Variants in NFATC1 observed in about 807,000 individuals in gnomAD.
The protein encoded by NFATC1 is nuclear factor of activated T-cells, cytoplasmic 1.
A neutral mutation model predicts 76.0 loss-of-function variants in NFATC1; 22 were observed. The observed-to-expected ratio is 0.29, with a 90% CI of 0.21 to 0.41. The LOEUF is 0.41. Among genes scored for constraint, NFATC1 ranks in the 10% least tolerant of loss-of-function variants. The probability of loss-of-function intolerance (pLI) is 1.00; values close to 1 mark genes in which losing one functional copy is unlikely to be tolerated. For synonymous variants in NFATC1, 704 were observed against 613.1 expected (o/e 1.15, Z -2.19); for missense variants, 1,357 against 1,337.7 (o/e 1.01, Z -0.23).
intron 1 of NFATC1, among the ~76,000 whole-genome samples, chr18:79,404,546 G>A (rs1019510010): frequency 1.3e-5 from 2 of 152,220 alleles, no homozygotes; most frequent in Non-Finnish European, 2.9e-5. Context: ...AGCAGACTCC[G>A]TGGCTGTCTG....
At chr18:79,461,603 C>T (rs1047680658) in intron 7 of NFATC1, among the ~76,000 whole-genome samples, 8 of 152,230 alleles carry the variant, frequency 5.3e-5, no homozygotes, top group Non-Finnish European at 7.3e-5. Flanking sequence ...AGAGCCCTGG[C>T]GGCCGGGGAC....
At position 79,524,958 on chromosome 18, in the gene NFATC1, CCT is replaced by C. The variant is rs1418241235; in HGVS notation, c.2783-2569_2783-2568del. The stretch of plus-strand genomic sequence containing the variant: ...TGGAGACCTCAGACGCCGTCCCCAC[CCT>C]GTCACTGTCACCATCACCCATCCTG... On this transcript the variant is annotated intron_variant, in intron 9 of 9. Coordinates refer to ENST00000427363, the MANE Select transcript of NFATC1 (RefSeq NM_001278669.2). This position sits in a 1 kb window ranked among gnomAD's most constrained non-coding sequence, Gnocchi z 7.2. Among the ~76,000 whole-genome samples, 1 of 151,976 alleles carries C rather than the reference CCT, an allele frequency of 6.6e-6. No homozygotes were observed. Among genetic ancestry groups the C allele is most frequent in the Non-Finnish European group, 1.5e-5 (1 of 67,962 alleles).
intron 1 of NFATC1, chr18:79,402,456 C>A: frequency 1.1e-6 from 1 of 940,492 alleles, no homozygotes; most frequent in Non-Finnish European, 1.3e-6. Flanking sequence ...ATGAGTGAAG[C>A]CGTGAACCTC....
intron 2 of NFATC1, among the ~76,000 whole-genome samples, chr18:79,423,948 C>T (rs1054439683): frequency 6.6e-6 from 1 of 152,210 alleles, no homozygotes; most frequent in Non-Finnish European, 1.5e-5. Context: ...GGTGACCCTC[C>T]AGGGTGGGAC....
At chr18:79,425,018 T>C (rs542167076) in intron 2 of NFATC1, among the ~76,000 whole-genome samples, 1 of 149,704 alleles carries the variant, frequency 6.7e-6, no homozygotes, top group African/African-American at 2.5e-5. Context: ...TCTCTCTCTC[T>C]GTCTCCATCT....
At chr18:79,475,204 A>T (rs1490678610) in intron 8 of NFATC1, among the ~76,000 whole-genome samples, 1 of 145,758 alleles carries the variant, frequency 6.9e-6, no homozygotes, top group Admixed American at 6.8e-5. Context: ...TCTCACGCTC[A>T]CCGTCGACGT....
intron 4 of NFATC1, among the ~76,000 whole-genome samples, chr18:79,449,841 A>G (rs2087384955): frequency 6.6e-6 from 1 of 152,160 alleles, no homozygotes; most frequent in Non-Finnish European, 1.5e-5. Flanking sequence ...GAGAGCGTGT[A>G]GGAGATGGCG....
chr18:79,471,972 T>G (rs1600843480), intron 8 of NFATC1, among the ~76,000 whole-genome samples: 1 of 152,248 alleles, frequency 6.6e-6, no homozygotes, highest in Non-Finnish European at 1.5e-5. Flanking sequence ...AGAATCTGTT[T>G]CTGCCTCAAG....
intron 9 of NFATC1, among the ~76,000 whole-genome samples, chr18:79,520,213 C>T (rs1380053696): frequency 2.2e-5 from 3 of 138,736 alleles, no homozygotes; most frequent in East Asian, 2.0e-4. Flanking sequence ...TCCCCCGCTG[C>T]GCTGCCGGGA....
chr18:79,458,530 C>G (rs2144840707), intron 6 of NFATC1, among the ~76,000 whole-genome samples: 1 of 152,338 alleles, frequency 6.6e-6, no homozygotes, highest in Non-Finnish European at 1.5e-5. Context: ...CGCAGGCCTG[C>G]CTGTGTGGAA....
intron 9 of NFATC1, among the ~76,000 whole-genome samples, chr18:79,500,737 T>G (rs571785807): frequency 6.6e-6 from 1 of 152,054 alleles, no homozygotes; most frequent in African/African-American, 2.4e-5. Flanking sequence ...GCCAACAGAT[T>G]AAACAACCTG....
chr18:79,513,349 G>A lies in NFATC1; in HGVS notation c.2783-14179G>A, dbSNP rs185389455. Reference sequence around the variant, plus strand: ...GCGTGAGGCTCCCGGGTCAGCACACGGCTTTCTCAAGGACCAGGCTTGAGG... The same window carrying A: ...GCGTGAGGCTCCCGGGTCAGCACACAGCTTTCTCAAGGACCAGGCTTGAGG... On this transcript the variant is annotated intron_variant, in intron 9 of 9. Coordinates refer to ENST00000427363, the MANE Select transcript of NFATC1 (RefSeq NM_001278669.2). Among the ~76,000 whole-genome samples, 643 of 152,272 alleles carry A rather than the reference G, an allele frequency of 4.2e-3. 3 individuals are homozygous for A. The highest frequency in any genetic ancestry group is 7.3e-3 in the Non-Finnish European group (495 of 68,018).
intron 8 of NFATC1, 27 bp from the exon 9 acceptor site, chr18:79,486,221 A>G: frequency 3.8e-6 from 6 of 1,582,676 alleles, no homozygotes; most frequent in South Asian, 2.3e-5. Context: ...ACTTGTGTTT[A>G]TTTAATTTTT....
chr18:79,411,134 C>A lies in NFATC1; in HGVS notation c.859C>A (p.Pro287Thr). 6.2e-7 allele frequency: 1 copy of A among 1,612,354 alleles called. No individual in the cohort carries two copies. ...ACCCCACCACTCGCCCACGCCGTCC[C>A]CGCACGGCTCCCCGCGGGTCAGCGT... ...YSPHHSPTPS[P>T]HGSPRVSVTD... Residue 287 changes from proline (P) to threonine (T), a missense_variant, in exon 2 of 10, where the codon CCG (proline) becomes ACG (threonine). Physicochemically the swap from Pro to Thr is conservative, Grantham distance 38 (BLOSUM62 -1). This residue lies in a region of NFATC1 where 691 missense variants were observed against 613.1 expected (regional missense o/e 1.13). Transcript: ENST00000427363.
intron 9 of NFATC1, among the ~76,000 whole-genome samples, chr18:79,493,084 T>C (rs1200695618): frequency 6.6e-6 from 1 of 152,120 alleles, no homozygotes; most frequent in East Asian, 1.9e-4. Context: ...AGAGGTTCAG[T>C]TTTTAAACAG....
At chr18:79,454,830 G>A (rs994870593) in intron 6 of NFATC1, among the ~76,000 whole-genome samples, 4 of 152,102 alleles carry the variant, frequency 2.6e-5, no homozygotes, top group African/African-American at 7.2e-5. Context: ...AGGCTGCAGG[G>A]GTTCAGCTGC....
intron 4 of NFATC1, among the ~76,000 whole-genome samples, chr18:79,450,717 C>CG (rs1158468057): frequency 6.6e-6 from 1 of 152,138 alleles, no homozygotes; most frequent in South Asian, 2.1e-4. Context: ...TGGCTTTTCT[C>CG]GGGGCTGCCT....
rs954749009 is a variant in NFATC1 at position 79,464,711 on chromosome 18, T to A, written c.1960-2739T>A. ...ATATATATATTTATTTATTTATTTA[T>A]TTTTTTTTTTTTGAGACAGGGTCTT... is the stretch of plus-strand genomic sequence containing the variant. On this transcript the variant is annotated intron_variant, in intron 7 of 9. Transcript: ENST00000427363. Among the ~76,000 whole-genome samples the A allele has an allele frequency of 3.2e-4, 38 of 119,462 alleles. 4 individuals are homozygous for A. In the East Asian group the frequency reaches 4.5e-3, roughly 14 times the overall value. The allele number at this position is 119,462 out of a possible 152,430, so 78.4% of individuals were successfully genotyped here.
Position 79,408,055 on chromosome 18 carries a change from C to T in NFATC1, c.128-2348C>T, listed in dbSNP as rs572347092. On this transcript the variant is annotated intron_variant, in intron 1 of 9. Coordinates refer to ENST00000427363, the MANE Select transcript of NFATC1 (RefSeq NM_001278669.2). Reference sequence around the variant, plus strand: ...GAATTTCCAGAAAGCAGCTGTGACTCCTGGGATTGAGGCCACGGTGTGTCC... The same window carrying T: ...GAATTTCCAGAAAGCAGCTGTGACTTCTGGGATTGAGGCCACGGTGTGTCC... 4.5e-4 allele frequency among the ~76,000 whole-genome samples: 68 copies of T among 152,336 alleles called. 1 individual carries two copies. The South Asian group carries it at 0.014, about 31-fold the overall frequency.
Sources: gnomAD v4.1 joint callset for allele counts (sites outside exome capture counted in the v4.1 genomes callset) on GRCh38, gnomAD v4.1.1 for gene constraint, gnomAD v4.1.1 regional missense constraint, Gnocchi (gnomAD v3.1) non-coding constraint, MANE v1.5 for transcripts, NCBI Gene and HGNC (gene_info 2026-07-23, HGNC 2026-07-21) for gene names.